The following KCNT2 variants were observed in gnomAD, a reference collection of about 807,000 sequenced individuals.
KCNT2 encodes the protein potassium channel subfamily T member 2.
Under a neutral mutation model 153.8 loss-of-function variants are expected in KCNT2, and 67 were observed. That is an observed-to-expected ratio of 0.44 (90% CI 0.36 to 0.53). KCNT2 has a LOEUF of 0.53. Ranked by LOEUF, KCNT2 falls within the 20% of genes least tolerant of loss-of-function variation. The pLI is 0.00. For synonymous variants in KCNT2, 500 were observed against 458.8 expected (o/e 1.09, Z -1.15); for missense variants, 975 against 1,354.8 (o/e 0.72, Z 4.40).
chr1:196,228,934 TCTAA>T (rs1653711267), intron 27 of KCNT2, among the ~76,000 whole-genome samples: 1 of 152,100 alleles, frequency 6.6e-6, no homozygotes, highest in Non-Finnish European at 1.5e-5. Context: ...AAATTATTTA[TCTAA>T]AATTCAGCTT....
intron 16 of KCNT2, among the ~76,000 whole-genome samples, chr1:196,339,552 GA>G (rs1665407793): frequency 7.3e-6 from 1 of 137,346 alleles, no homozygotes; most frequent in Admixed American, 7.5e-5. Flanking sequence ...GAGAGAGAGA[GA>G]CAGAGACACA....
chr1:196,274,815 T>C (rs1248649687), intron 25 of KCNT2, among the ~76,000 whole-genome samples: 6 of 151,862 alleles, frequency 4.0e-5, no homozygotes, highest in African/African-American at 7.2e-5. Context: ...TCACTGGTTA[T>C]AGTATACTTC....
At chr1:196,395,901 T>G (rs1182750512) in intron 13 of KCNT2, among the ~76,000 whole-genome samples, 2 of 151,668 alleles carry the variant, frequency 1.3e-5, no homozygotes, top group Non-Finnish European at 3.0e-5. Context: ...AATCTACATA[T>G]TTAATACCTA....
At chr1:196,254,956 C>G (rs1294176625) in intron 26 of KCNT2, among the ~76,000 whole-genome samples, 3 of 151,464 alleles carry the variant, frequency 2.0e-5, no homozygotes, top group African/African-American at 4.8e-5. Flanking sequence ...CTTGGCTTTT[C>G]ATCTTTTACT....
intron 1 of KCNT2, among the ~76,000 whole-genome samples, chr1:196,499,679 CT>C (rs1287524580): frequency 1.3e-5 from 2 of 152,140 alleles, no homozygotes; most frequent in African/African-American, 4.8e-5. Flanking sequence ...CCAACTTAAT[CT>C]ACCTTATGAT....
chr1:196,345,412 C>T (rs867078919), intron 14 of KCNT2, among the ~76,000 whole-genome samples: 1 of 152,118 alleles, frequency 6.6e-6, no homozygotes, highest in East Asian at 1.9e-4. Flanking sequence ...ATGCTTGATG[C>T]GGCTAAGGAA....
intron 1 of KCNT2, among the ~76,000 whole-genome samples, chr1:196,566,290 C>T (rs1216898766): frequency 6.6e-6 from 1 of 151,858 alleles, no homozygotes; most frequent in East Asian, 1.9e-4. Flanking sequence ...GCAAAGGGCA[C>T]AGTGACCTGA....
intron 1 of KCNT2, among the ~76,000 whole-genome samples, chr1:196,494,077 A>G (rs977895829): frequency 1.3e-5 from 2 of 152,236 alleles, no homozygotes; most frequent in African/African-American, 4.8e-5. Flanking sequence ...GTACATATAC[A>G]TACTACAAAA....
chr1:196,270,464 T>C (rs1396559037), intron 25 of KCNT2, among the ~76,000 whole-genome samples: 3 of 152,096 alleles, frequency 2.0e-5, no homozygotes, highest in South Asian at 2.1e-4. Context: ...TGCATATTTA[T>C]ATATATTTGT....
intron 13 of KCNT2, among the ~76,000 whole-genome samples, chr1:196,392,278 A>G (rs114102334): frequency 0.013 from 1,943 of 151,320 alleles, 49 homozygotes; most frequent in African/African-American, 0.045. Context: ...AAAATTAAAG[A>G]TTCTCCAGAC....
intron 1 of KCNT2, among the ~76,000 whole-genome samples, chr1:196,556,515 G>T (rs1266172924): frequency 6.6e-6 from 1 of 151,008 alleles, no homozygotes; most frequent in Non-Finnish European, 1.5e-5. Context: ...TAGTGAGGAT[G>T]TGAAGAATTG....
intron 8 of KCNT2, among the ~76,000 whole-genome samples, chr1:196,447,365 A>G (rs1675774803): frequency 6.6e-6 from 1 of 151,722 alleles, no homozygotes; most frequent in African/African-American, 2.4e-5. Context: ...CCGAAAGCTA[A>G]GTAAAGAACA....
At chr1:196,242,805 G>C (rs1170766678) in intron 26 of KCNT2, among the ~76,000 whole-genome samples, 2 of 152,020 alleles carry the variant, frequency 1.3e-5, no homozygotes, top group Non-Finnish European at 2.9e-5. Context: ...TAAGTGTCAG[G>C]AATCTTTACT....
chr1:196,442,418 A>G (rs1675315044), intron 8 of KCNT2, among the ~76,000 whole-genome samples: 1 of 151,806 alleles, frequency 6.6e-6, no homozygotes, highest in Non-Finnish European at 1.5e-5. Flanking sequence ...ACTGGTATGT[A>G]AAAACCAGCA....
intron 25 of KCNT2, among the ~76,000 whole-genome samples, chr1:196,272,828 G>T (rs1419399177): frequency 6.6e-6 from 1 of 151,830 alleles, no homozygotes; most frequent in Non-Finnish European, 1.5e-5. Flanking sequence ...AATGGCCAGA[G>T]GATGGGGGAA....
chr1:196,229,302 T>C (rs1372566146), intron 27 of KCNT2, among the ~76,000 whole-genome samples: 1 of 152,046 alleles, frequency 6.6e-6, no homozygotes, highest in Non-Finnish European at 1.5e-5. Flanking sequence ...GTTATAGTGA[T>C]CTGTGATCAG....
intron 18 of KCNT2, among the ~76,000 whole-genome samples, chr1:196,330,321 G>C (rs950816784): frequency 2.0e-5 from 3 of 151,890 alleles, no homozygotes; most frequent in Admixed American, 2.0e-4. Context: ...TATAATCCCT[G>C]TAAGAGCCTT....
intron 1 of KCNT2, among the ~76,000 whole-genome samples, chr1:196,518,388 G>C (rs1214345039): frequency 6.6e-6 from 1 of 150,834 alleles, no homozygotes; most frequent in Non-Finnish European, 1.5e-5. Context: ...AAACACATGA[G>C]AGGATCAAAT....
intron 25 of KCNT2, among the ~76,000 whole-genome samples, chr1:196,262,304 A>G (rs1046399627): frequency 6.6e-6 from 1 of 151,980 alleles, no homozygotes; most frequent in Non-Finnish European, 1.5e-5. Context: ...AGTATTTTAA[A>G]TAAATCAATT....
Sources: gnomAD v4.1 joint callset for allele counts (sites outside exome capture counted in the v4.1 genomes callset) on GRCh38, gnomAD v4.1.1 for gene constraint, MANE v1.5 for transcripts, NCBI Gene and HGNC (gene_info 2026-07-23, HGNC 2026-07-21) for gene names.